Variants in DIP2C observed in about 807,000 individuals in gnomAD.
DIP2C encodes the protein disco-interacting protein 2 homolog C.
Under a neutral mutation model 192.4 loss-of-function variants are expected in DIP2C, and 33 were observed. The observed-to-expected ratio is 0.17, with a 90% CI of 0.13 to 0.23. The LOEUF (loss-of-function observed/expected upper bound fraction) is 0.23, where lower values mean the gene tolerates loss of function less well. DIP2C is among the 10% of genes least tolerant of loss of function. The probability of loss-of-function intolerance (pLI) is 1.00; values close to 1 mark genes in which losing one functional copy is unlikely to be tolerated. For synonymous variants in DIP2C, 979 were observed against 864.1 expected (o/e 1.13, Z -2.33); for missense variants, 1,537 against 2,110.1 (o/e 0.73, Z 5.32).
rs1298939714 is a variant in DIP2C, at chr10:666,280, AC to A, written c.85+23213del. On this transcript the variant is annotated intron_variant, in intron 1 of 36. Coordinates refer to ENST00000280886, the MANE Select transcript of DIP2C (RefSeq NM_014974.3). This position sits in a 1 kb window ranked among gnomAD's most constrained non-coding sequence, Gnocchi z 4.1. ...ACTCCCTACCCACGAAAGACTCACA[AC>A]ATCCCTGGAAAAGCAACGAGGCGAA... The A allele has an allele frequency of 6.6e-6, 1 of 152,296 alleles. No homozygotes were observed. 9.4% of individuals were successfully genotyped at this position (152,296 alleles called of 1,614,324 possible).
At chr10:542,458 C>CCA (rs1476565630) in intron 1 of DIP2C, among the ~76,000 whole-genome samples, 2 of 152,200 alleles carry the variant, frequency 1.3e-5, no homozygotes, top group Admixed American at 6.5e-5. Context: ...GCAGGACCCA[C>CCA]CAGCAGGACT....
rs574015155 is a variant in DIP2C, at chr10:554,208, T to C, written c.86-67678A>G. On this transcript the variant is annotated intron_variant, in intron 1 of 36. Transcript: ENST00000280886. ...TACATCACAGGAGAAAAGGTATAGC[T>C]TGTAACTAACAGTGGCGAACAGGCA... Among the ~76,000 whole-genome samples, 4 of 151,792 alleles carry C rather than the reference T, an allele frequency of 2.6e-5. No individual in the cohort carries two copies. The East Asian group carries it at 5.8e-4, about 22-fold the overall frequency.
chr10:498,947 C>T (rs1845042630), intron 1 of DIP2C, among the ~76,000 whole-genome samples: 1 of 152,226 alleles, frequency 6.6e-6, no homozygotes, highest in South Asian at 2.1e-4. Context: ...CGGCATTTCT[C>T]ACCAACGCTG....
Position 414,716 on chromosome 10 carries a change from T to TGC in DIP2C, c.860-607_860-606insGC, listed in dbSNP as rs1196982786. Among the ~76,000 whole-genome samples, 3 of 72,114 alleles carry TGC rather than the reference T, an allele frequency of 4.2e-5. No homozygotes were observed. The South Asian group carries it at 2.2e-3, about 52-fold the overall frequency. 47.3% of individuals were successfully genotyped at this position (72,114 alleles called of 152,430 possible). On this transcript the variant is annotated intron_variant, in intron 7 of 36. Transcript: ENST00000280886. ...TTTAGAGTGTGTATGTATGTGTGTG[T>TGC]GTGTGTGTGTGTGTGTGTGTGTGTA... is the stretch of plus-strand genomic sequence containing the variant.
chr10:427,675 G>A (rs925590071), intron 4 of DIP2C, among the ~76,000 whole-genome samples: 9 of 152,200 alleles, frequency 5.9e-5, no homozygotes, highest in African/African-American at 1.4e-4. Context: ...AAGATGCTTA[G>A]CATCATTAAC....
intron 1 of DIP2C, among the ~76,000 whole-genome samples, chr10:608,820 A>T (rs369159694): frequency 1.2e-3 from 181 of 149,956 alleles, no homozygotes; most frequent in South Asian, 3.5e-3. Context: ...CCCATTGCTT[A>T]GTCTTCTTAG....
intron 1 of DIP2C, among the ~76,000 whole-genome samples, chr10:648,398 C>T (rs1466830108): frequency 1.1e-5 from 1 of 87,976 alleles, no homozygotes; most frequent in South Asian, 3.5e-4. Flanking sequence ...GTGGGCGAGA[C>T]CAGAAGGAAA....
At chr10:329,212 A>G (rs929839745) in intron 30 of DIP2C, among the ~76,000 whole-genome samples, 1 of 152,232 alleles carries the variant, frequency 6.6e-6, no homozygotes, top group African/African-American at 2.4e-5. Context: ...GGCATTGAAA[A>G]TATTTTACAT....
chr10:655,380 G>A (rs1856216071), intron 1 of DIP2C, among the ~76,000 whole-genome samples: 1 of 152,190 alleles, frequency 6.6e-6, no homozygotes, highest in Non-Finnish European at 1.5e-5. Flanking sequence ...CAGTGCTACA[G>A]AACACTGTCC....
chr10:544,054 G>GTGACTGGT (rs1470845940), intron 1 of DIP2C, among the ~76,000 whole-genome samples: 12 of 152,256 alleles, frequency 7.9e-5, no homozygotes, highest in Non-Finnish European at 5.9e-5. Flanking sequence ...CACGTTCAAG[G>GTGACTGGT]TGACTGGTAT....
intron 1 of DIP2C, among the ~76,000 whole-genome samples, chr10:545,412 T>TC (rs1588432781): frequency 6.6e-6 from 1 of 152,170 alleles, no homozygotes; most frequent in East Asian, 1.9e-4. Context: ...CACCTCGGCC[T>TC]CCCAAAATGC....
At chr10:533,319 C>T (rs1314013578) in intron 1 of DIP2C, among the ~76,000 whole-genome samples, 2 of 152,090 alleles carry the variant, frequency 1.3e-5, no homozygotes, top group South Asian at 2.1e-4. Context: ...ATCTAGCTGC[C>T]GGATTAACTT....
Position 384,038 on chromosome 10 carries a change from C to G in DIP2C, c.1865G>C (p.Gly622Ala). 1 of 1,602,454 alleles carries G rather than the reference C, an allele frequency of 6.2e-7. No homozygotes were observed. Among genetic ancestry groups the G allele is most frequent in the South Asian group, 1.1e-5 (1 of 88,586 alleles). Residue 622 changes from glycine to alanine, a missense_variant, in exon 16 of 37, where the codon GGC (glycine) becomes GCC (alanine). By Grantham distance (60) the Gly-to-Ala change is moderately conservative. This residue lies in a region of DIP2C where 677 missense variants were observed against 989.9 expected (regional missense o/e 0.68). Transcript: ENST00000280886. ...CGCTCCTCACTTACAGGGGTTCGCG[C>G]CGTCCGCCACTATCAGCATTCGCAG... The part of the protein sequence containing the change: ...SSLRMLIVAD[G>A]ANPWSISSCD...
intron 4 of DIP2C, among the ~76,000 whole-genome samples, chr10:435,032 G>A (rs977979124): frequency 4.6e-5 from 7 of 152,152 alleles, no homozygotes; most frequent in Admixed American, 3.9e-4. Context: ...TTTGGTGTCT[G>A]GCATTAATCT....
chr10:546,843 C>T (rs1383460235), intron 1 of DIP2C, among the ~76,000 whole-genome samples: 1 of 151,862 alleles, frequency 6.6e-6, no homozygotes, highest in Non-Finnish European at 1.5e-5. Flanking sequence ...AAGTGGCAGA[C>T]ACAAGATTTG....
rs189206017 is a variant in DIP2C, at chr10:412,068, A to G, written c.1057+1845T>C. On this transcript the variant is annotated intron_variant, in intron 8 of 36. Coordinates refer to ENST00000280886, the MANE Select transcript of DIP2C (RefSeq NM_014974.3). ...GAAGAATCCAACTTTTCATATGAATATTCAGTCTGTGTCTTACGTCTCCCA... is the reference window on the plus strand; with the variant it reads ...GAAGAATCCAACTTTTCATATGAATGTTCAGTCTGTGTCTTACGTCTCCCA... 3.9e-5 allele frequency among the ~76,000 whole-genome samples: 6 copies of G among 152,334 alleles called. No individual in the cohort carries two copies. In the East Asian group the frequency reaches 9.6e-4, roughly 24 times the overall value.
Position 652,387 on chromosome 10 carries a change from G to A in DIP2C, c.85+37107C>T, listed in dbSNP as rs921072263. 6 of 174,274 alleles carry A rather than the reference G, an allele frequency of 3.4e-5. No individual in the cohort carries two copies. The highest frequency in any genetic ancestry group is 9.6e-5 in the African/African-American group (4 of 41,484). The allele number at this position is 174,274 out of a possible 1,614,324, so 10.8% of individuals were successfully genotyped here. On this transcript the variant is annotated intron_variant, in intron 1 of 36. Coordinates refer to ENST00000280886, the MANE Select transcript of DIP2C (RefSeq NM_014974.3). This position sits in a 1 kb window ranked among gnomAD's most constrained non-coding sequence, Gnocchi z 4.5. ...AGTTCCAGTCCCGGGGTGGGGTGGC[G>A]GGGGGGCGCACTGTGCACCCTCCCA...
chr10:345,512 CAAACACCCATCCCAG>C (rs1958404543), intron 26 of DIP2C, among the ~76,000 whole-genome samples: 1 of 64,660 alleles, frequency 1.5e-5, no homozygotes, highest in Admixed American at 1.6e-4. Context: ...GGAAACCCCA[CAAACACCCATCCCAG>C]ACACACCGCG....
intron 1 of DIP2C, among the ~76,000 whole-genome samples, chr10:578,697 T>C (rs769411151): frequency 1.3e-5 from 2 of 152,054 alleles, no homozygotes; most frequent in African/African-American, 2.4e-5. Context: ...CACACACACA[T>C]CTAGATCCAC....
Sources: allele counts gnomAD v4.1 joint callset (sites outside exome capture counted in the v4.1 genomes callset), GRCh38; gene constraint gnomAD v4.1.1; regional missense constraint gnomAD v4.1.1; non-coding constraint Gnocchi (gnomAD v3.1); transcripts MANE v1.5; gene names NCBI Gene and HGNC (gene_info 2026-07-23, HGNC 2026-07-21).